The following PRKN variants were observed in gnomAD, a reference collection of about 807,000 sequenced individuals.
PRKN encodes the protein E3 ubiquitin-protein ligase parkin.
PRKN carries 56 observed loss-of-function variants against 59.5 expected under a neutral mutation model. That is an observed-to-expected ratio of 0.94 (90% CI 0.76 to 1.18). The LOEUF is 1.18. Among genes scored for constraint, PRKN ranks in the 50% most tolerant of loss-of-function variants. The pLI, the probability that PRKN is intolerant of heterozygous loss-of-function variation, is 0.00. For synonymous variants in PRKN, 250 were observed against 222.1 expected (o/e 1.13, Z -1.12); for missense variants, 657 against 596.4 (o/e 1.10, Z -1.06).
At chr6:162,469,994 G>C (rs1376433776) in intron 1 of PRKN, among the ~76,000 whole-genome samples, 4 of 152,112 alleles carry the variant, frequency 2.6e-5, no homozygotes, top group Non-Finnish European at 5.9e-5. Flanking sequence ...TGTTTTACAC[G>C]ATCCTAGGGC....
rs561205935 is a variant in PRKN at position 162,220,318 on chromosome 6, A to C, written c.413-19066T>G. Among the ~76,000 whole-genome samples, 97 of 152,280 alleles carry C rather than the reference A, an allele frequency of 6.4e-4. 2 individuals are homozygous for C. In the South Asian group the frequency reaches 0.02, roughly 31 times the overall value. On this transcript the variant is annotated intron_variant, in intron 3 of 11. Coordinates refer to ENST00000366898, the MANE Select transcript of PRKN (RefSeq NM_004562.3). ...CAAAAGGAATTGCAACAAAAGCAAA[A>C]ATTGACAAGAGGGACCTAATTAAAC...
At chr6:161,752,333 A>G (rs1049151128) in intron 7 of PRKN, among the ~76,000 whole-genome samples, 2 of 152,262 alleles carry the variant, frequency 1.3e-5, no homozygotes, top group East Asian at 3.9e-4. Context: ...GCGCCACTGC[A>G]CTCTAGCCTG....
intron 5 of PRKN, among the ~76,000 whole-genome samples, chr6:161,992,750 T>C (rs1205647136): frequency 1.3e-5 from 2 of 152,138 alleles, no homozygotes; most frequent in African/African-American, 4.8e-5. Flanking sequence ...ATATCAGATA[T>C]TAATATCTTT....
Position 162,569,371 on chromosome 6 carries a change from G to T in PRKN, c.8-125898C>A. Reference sequence around the variant, plus strand: ...AGGCTGCCCTGCAACAGGCCATGCAGGACATGGCGTGGCAGCTGCATGAGT... The same window carrying T: ...AGGCTGCCCTGCAACAGGCCATGCATGACATGGCGTGGCAGCTGCATGAGT... On this transcript the variant is annotated intron_variant, in intron 1 of 11. Transcript: ENST00000366898. 3 of 653,122 alleles carry T rather than the reference G, an allele frequency of 4.6e-6. No individual in the cohort carries two copies. In the Admixed American group the frequency reaches 5.5e-5, roughly 12 times the overall value. The allele number at this position is 653,122 out of a possible 1,614,324, so 40.5% of individuals were successfully genotyped here. A position where few individuals can be genotyped will look rare whatever the true frequency, so the allele number is the denominator to read the frequency against.
chr6:161,587,075 C>T (rs1781548224), intron 7 of PRKN, among the ~76,000 whole-genome samples: 1 of 152,188 alleles, frequency 6.6e-6, no homozygotes, highest in African/African-American at 2.4e-5. Context: ...ACTCACTAAT[C>T]CAAATCAGTT....
chr6:161,360,260 G>C lies in PRKN; in HGVS notation c.1168-55C>G. 4 of 1,343,210 alleles carry C rather than the reference G, an allele frequency of 3.0e-6. No individual in the cohort carries two copies. Among genetic ancestry groups the C allele is most frequent in the Non-Finnish European group, 4.3e-6 (4 of 932,252 alleles). The allele number at this position is 1,343,210 out of a possible 1,614,324, so 83.2% of individuals were successfully genotyped here. On this transcript the variant is annotated intron_variant, in intron 10 of 11. Coordinates refer to ENST00000366898, the MANE Select transcript of PRKN (RefSeq NM_004562.3). This position sits in a 1 kb window ranked among gnomAD's most constrained non-coding sequence, Gnocchi z 5.1. ...TCTCAGCTTTCTATTACTGGGATCA[G>C]AGTTTATGTTCCCTGTACGTCGGTA...
rs374734386 is a variant in PRKN at position 161,483,654 on chromosome 6, T to C, written c.1083+65200A>G. ...CCCTCATCCCCAATAGAGAGCACAT[T>C]GGTAGCTCAAATAGGCTATTACTCA... is the stretch of plus-strand genomic sequence containing the variant. On this transcript the variant is annotated intron_variant, in intron 9 of 11. Transcript: ENST00000366898. The surrounding 1 kb of genome is among the most constrained non-coding windows in gnomAD (Gnocchi z 5.0). Among the ~76,000 whole-genome samples the C allele has an allele frequency of 5.3e-5, 8 of 152,290 alleles. No individual in the cohort carries two copies. In the South Asian group the frequency reaches 1.2e-3, roughly 24 times the overall value.
chr6:161,897,984 A>AAAAC (rs1554244227), intron 6 of PRKN, among the ~76,000 whole-genome samples: 1 of 117,614 alleles, frequency 8.5e-6, no homozygotes. Flanking sequence ...AAAAAAAAAA[A>AAAAC]GTCTCCCAGT....
intron 2 of PRKN, among the ~76,000 whole-genome samples, chr6:162,385,958 T>C (rs905336617): frequency 1.3e-5 from 2 of 152,162 alleles, no homozygotes; most frequent in Non-Finnish European, 2.9e-5. Flanking sequence ...TCTTGTCCTA[T>C]TGAGAATGAC....
intron 7 of PRKN, among the ~76,000 whole-genome samples, chr6:161,643,196 T>C (rs10945760): frequency 0.71 from 108,533 of 152,124 alleles, 39,847 homozygotes; most frequent in African/African-American, 0.87. Flanking sequence ...ATTGATGGTT[T>C]CCTGGCTTAC....
rs1786972845 is a variant in PRKN at position 161,400,352 on chromosome 6, G to C, written c.1084-13475C>G. 6.6e-6 allele frequency among the ~76,000 whole-genome samples: 1 copy of C among 151,334 alleles called. No individual in the cohort carries two copies. The highest frequency in any genetic ancestry group is 1.5e-5 in the Non-Finnish European group (1 of 67,918). ...GATGGAATTTCACTCTTGTCACCCA[G>C]GCTGGAGTGCAATGGCACGATCTCC... On this transcript the variant is annotated intron_variant, in intron 9 of 11. Transcript: ENST00000366898. This position sits in a 1 kb window ranked among gnomAD's most constrained non-coding sequence, Gnocchi z 4.2.
intron 6 of PRKN, among the ~76,000 whole-genome samples, chr6:161,805,478 A>ACACACACATG (rs61442187): frequency 0.7 from 103,733 of 149,156 alleles, 37,286 homozygotes; most frequent in Admixed American, 0.8. Flanking sequence ...ACACACACAC[A>ACACACACATG]CATGCATGTA....
At chr6:162,690,718 G>A (rs994373114) in intron 1 of PRKN, among the ~76,000 whole-genome samples, 4 of 152,076 alleles carry the variant, frequency 2.6e-5, no homozygotes, top group Non-Finnish European at 4.4e-5. Context: ...TTTTCCTCTC[G>A]TACTAGAAAT....
chr6:161,981,900 A>C (rs1781271058), intron 5 of PRKN, among the ~76,000 whole-genome samples: 1 of 152,244 alleles, frequency 6.6e-6, no homozygotes, highest in Admixed American at 6.5e-5. Flanking sequence ...GATGTCAATA[A>C]AGCCTCTAGA....
rs1406390570 is a variant in PRKN, at chr6:162,484,109, A to G, written c.8-40636T>C. Among the ~76,000 whole-genome samples, 6 of 152,344 alleles carry G rather than the reference A, an allele frequency of 3.9e-5. No individual in the cohort carries two copies. The East Asian group carries it at 1.2e-3, about 29-fold the overall frequency. ...AAGAAGAAAGCAACGATAGCATCAG[A>G]TGCCTCTTAATATAAAGGAACTGGC... On this transcript the variant is annotated intron_variant, in intron 1 of 11. Coordinates refer to ENST00000366898, the MANE Select transcript of PRKN (RefSeq NM_004562.3).
chr6:162,091,892 CGGG>C (rs1779512393), intron 4 of PRKN, among the ~76,000 whole-genome samples: 1 of 151,962 alleles, frequency 6.6e-6, no homozygotes, highest in Non-Finnish European at 1.5e-5. Context: ...AAATATTAGC[CGGG>C]CATGGTGGCA....
intron 10 of PRKN, among the ~76,000 whole-genome samples, chr6:161,365,737 G>A (rs189817756): frequency 1.3e-5 from 2 of 152,172 alleles, no homozygotes; most frequent in African/African-American, 2.4e-5. Context: ...TTCCCCAAAC[G>A]GCTCTGGATG....
rs1026980662 is a variant in PRKN at position 162,544,051 on chromosome 6, C to T, written c.8-100578G>A. 2.6e-5 allele frequency among the ~76,000 whole-genome samples: 4 copies of T among 152,160 alleles called. No individual in the cohort carries two copies. In the East Asian group the frequency reaches 7.7e-4, roughly 29 times the overall value. On this transcript the variant is annotated intron_variant, in intron 1 of 11. Coordinates refer to ENST00000366898, the MANE Select transcript of PRKN (RefSeq NM_004562.3). ...TCTGTTATCTCTTGTACTCTACTAG[C>T]TCTCCTTTTCGGATTTGTACCTTCT...
chr6:161,454,560 TA>T lies in PRKN; in HGVS notation c.1084-67684del, dbSNP rs1789881296. Among the ~76,000 whole-genome samples the T allele has an allele frequency of 6.6e-6, 1 of 152,186 alleles. No homozygotes were observed. Among genetic ancestry groups the T allele is most frequent in the African/African-American group, 2.4e-5 (1 of 41,448 alleles). Reference sequence around the variant, plus strand: ...GATAATGATAGTCATGGAAGTTTCTTAATATCTGGGGTTTTGAAACTGTTAG... The same window carrying T: ...GATAATGATAGTCATGGAAGTTTCTTATATCTGGGGTTTTGAAACTGTTAG... On this transcript the variant is annotated intron_variant, in intron 9 of 11. Coordinates refer to ENST00000366898, the MANE Select transcript of PRKN (RefSeq NM_004562.3). This position sits in a 1 kb window ranked among gnomAD's most constrained non-coding sequence, Gnocchi z 4.6.
Sources: gnomAD v4.1 joint callset for allele counts (sites outside exome capture counted in the v4.1 genomes callset) on GRCh38, gnomAD v4.1.1 for gene constraint, Gnocchi (gnomAD v3.1) non-coding constraint, MANE v1.5 for transcripts, NCBI Gene and HGNC (gene_info 2026-07-23, HGNC 2026-07-21) for gene names.